ST6GALNAC3: variants seen among roughly 807,000 people sequenced by gnomAD.
ST6GALNAC3 encodes alpha-N-acetylgalactosaminide alpha-2,6-sialyltransferase 3.
A neutral mutation model predicts 32.7 loss-of-function variants in ST6GALNAC3; 25 were observed. That is an observed-to-expected ratio of 0.76 (90% CI 0.56 to 1.07). The LOEUF is 1.07. Among genes scored for constraint, ST6GALNAC3 ranks in the 50% least tolerant of loss-of-function variants. The pLI, the probability that ST6GALNAC3 is intolerant of heterozygous loss-of-function variation, is 0.00. For missense variants in ST6GALNAC3, 355 were observed against 382.4 expected, an observed-to-expected ratio of 0.93 and a Z score of 0.60; for synonymous variants, 129 against 133.1, an observed-to-expected ratio of 0.97 and a Z score of 0.21.
In ST6GALNAC3 at chr1:76,630,241, C is replaced by T. The variant is rs1649222055; in HGVS notation, c.*1435C>T. ...CCAAATACATTATATCAGGATTACA[C>T]AAAAAGTATCACAAAGGATGGTCTT... is the stretch of plus-strand genomic sequence containing the variant. On this transcript the variant is annotated 3_prime_UTR_variant, in exon 5 of 5. Transcript: ENST00000328299. The T allele has an allele frequency of 3.0e-6, 3 of 985,114 alleles. No individual in the cohort carries two copies. The highest frequency in any genetic ancestry group is 3.6e-6 in the Non-Finnish European group (3 of 829,804). 61.0% of individuals were successfully genotyped at this position (985,114 alleles called of 1,614,324 possible). A position where few individuals can be genotyped will look rare whatever the true frequency, so the allele number is the denominator to read the frequency against.
At chr1:76,559,869 A>G (rs1187785280) in intron 3 of ST6GALNAC3, among the ~76,000 whole-genome samples, 1 of 152,188 alleles carries the variant, frequency 6.6e-6, no homozygotes, top group African/African-American at 2.4e-5. Context: ...GGGAAATCAC[A>G]GCAACTGTGA....
chr1:76,485,719 C>A (rs1398622126), intron 3 of ST6GALNAC3, among the ~76,000 whole-genome samples: 1 of 151,806 alleles, frequency 6.6e-6, no homozygotes, highest in Non-Finnish European at 1.5e-5. Flanking sequence ...GTGTCTCTAT[C>A]TCCTTCAGTT....
At chr1:76,507,619 G>T (rs1172283698) in intron 3 of ST6GALNAC3, among the ~76,000 whole-genome samples, 3 of 152,138 alleles carry the variant, frequency 2.0e-5, no homozygotes, top group Non-Finnish European at 4.4e-5. Flanking sequence ...TCATTTTTAT[G>T]GCTAAGTTAT....
At chr1:76,537,530 C>A (rs1293146466) in intron 3 of ST6GALNAC3, among the ~76,000 whole-genome samples, 2 of 152,020 alleles carry the variant, frequency 1.3e-5, no homozygotes, top group Admixed American at 1.3e-4. Flanking sequence ...AATCCAGGAG[C>A]TGCTTTTTTG....
intron 3 of ST6GALNAC3, among the ~76,000 whole-genome samples, chr1:76,607,361 G>A (rs1647629461): frequency 6.6e-6 from 1 of 152,100 alleles, no homozygotes; most frequent in Non-Finnish European, 1.5e-5. Context: ...GCCATTGATG[G>A]TTGAGCTCAA....
intron 1 of ST6GALNAC3, among the ~76,000 whole-genome samples, chr1:76,199,288 G>A (rs17098324): frequency 0.11 from 16,944 of 152,228 alleles, 1,269 homozygotes; most frequent in Admixed American, 0.21. Flanking sequence ...AACTTAAAAG[G>A]ATTGATGCTG....
chr1:76,629,035 C>T lies in ST6GALNAC3; in HGVS notation c.*229C>T. On this transcript the variant is annotated 3_prime_UTR_variant, in exon 5 of 5. Coordinates refer to ENST00000328299, the MANE Select transcript of ST6GALNAC3 (RefSeq NM_152996.4). ...CTTTCTGGAGGTTCAACACTACGTA[C>T]CGCACTTTATAATTTAACTGGAATT... 7.7e-7 allele frequency: 1 copy of T among 1,295,746 alleles called. No individual in the cohort carries two copies. Among genetic ancestry groups the T allele is most frequent in the Non-Finnish European group, 9.8e-7 (1 of 1,025,314 alleles). The allele number at this position is 1,295,746 out of a possible 1,614,324, so 80.3% of individuals were successfully genotyped here. A position where few individuals can be genotyped will look rare whatever the true frequency, so the allele number is the denominator to read the frequency against.
chr1:76,459,481 A>G (rs61771548), intron 3 of ST6GALNAC3, among the ~76,000 whole-genome samples: 1 of 151,806 alleles, frequency 6.6e-6, no homozygotes, highest in Admixed American at 6.6e-5. Flanking sequence ...GGAGAATGGC[A>G]TGAATCCAGG....
At chr1:76,467,527 G>A (rs1408771103) in intron 3 of ST6GALNAC3, among the ~76,000 whole-genome samples, 1 of 151,948 alleles carries the variant, frequency 6.6e-6, no homozygotes, top group African/African-American at 2.4e-5. Flanking sequence ...AGTAGGCATT[G>A]AGAGTAAAGT....
At chr1:76,521,309 A>ATG in intron 3 of ST6GALNAC3, among the ~76,000 whole-genome samples, 1 of 151,530 alleles carries the variant, frequency 6.6e-6, no homozygotes, top group East Asian at 2.0e-4. Context: ...ACACACACAC[A>ATG]CGCGCGTACA....
chr1:76,493,288 C>G (rs1413041698), intron 3 of ST6GALNAC3, among the ~76,000 whole-genome samples: 1 of 152,126 alleles, frequency 6.6e-6, no homozygotes, highest in African/African-American at 2.4e-5. Flanking sequence ...ACAGGCACAC[C>G]AAGCCTAGAG....
chr1:76,109,164 T>A (rs1347459324), intron 1 of ST6GALNAC3, among the ~76,000 whole-genome samples: 3 of 152,174 alleles, frequency 2.0e-5, no homozygotes, highest in African/African-American at 7.2e-5. Flanking sequence ...ATGGTTTATG[T>A]CGCAGACTTG....
At chr1:76,237,997 A>G (rs1312351359) in intron 1 of ST6GALNAC3, among the ~76,000 whole-genome samples, 1 of 152,232 alleles carries the variant, frequency 6.6e-6, no homozygotes, top group Non-Finnish European at 1.5e-5. Context: ...TTAACATTTC[A>G]AAGTGCTTTC....
intron 3 of ST6GALNAC3, among the ~76,000 whole-genome samples, chr1:76,545,320 TG>T (rs1183219230): frequency 1.3e-5 from 2 of 152,138 alleles, no homozygotes; most frequent in Non-Finnish European, 2.9e-5. Flanking sequence ...CATTGCAAAT[TG>T]TAATATTGTT....
chr1:76,190,888 A>T (rs776571829), intron 1 of ST6GALNAC3, among the ~76,000 whole-genome samples: 5 of 152,188 alleles, frequency 3.3e-5, no homozygotes, highest in Non-Finnish European at 7.3e-5. Flanking sequence ...TAGCAGAAAA[A>T]GTGGAAGTGA....
chr1:76,506,401 C>G (rs570604530), intron 3 of ST6GALNAC3, among the ~76,000 whole-genome samples: 2 of 152,308 alleles, frequency 1.3e-5, no homozygotes, highest in East Asian at 3.9e-4. Flanking sequence ...TTTCAGTGGT[C>G]TGCTTAAGCA....
intron 3 of ST6GALNAC3, among the ~76,000 whole-genome samples, chr1:76,604,239 A>C (rs2100642495): frequency 6.6e-6 from 1 of 152,314 alleles, no homozygotes; most frequent in Admixed American, 6.5e-5. Context: ...TTATCTCTAG[A>C]ATATGTTCTG....
chr1:76,599,693 A>G (rs370847843), intron 3 of ST6GALNAC3, among the ~76,000 whole-genome samples: 3 of 146,816 alleles, frequency 2.0e-5, no homozygotes, highest in African/African-American at 7.7e-5. Context: ...TTGTTTGATT[A>G]TTTTATTCCT....
chr1:76,591,709 A>C (rs1212933249), intron 3 of ST6GALNAC3, among the ~76,000 whole-genome samples: 2 of 152,120 alleles, frequency 1.3e-5, no homozygotes, highest in Admixed American at 1.3e-4. Context: ...TGAGGTAATA[A>C]ATTCTTGTAG....
Sources: allele counts gnomAD v4.1 joint callset (sites outside exome capture counted in the v4.1 genomes callset), GRCh38; gene constraint gnomAD v4.1.1; transcripts MANE v1.5; gene names NCBI Gene and HGNC (gene_info 2026-07-23, HGNC 2026-07-21).